The following VPS13B variants were observed in gnomAD, a reference collection of about 807,000 sequenced individuals.
The protein encoded by VPS13B is vacuolar protein sorting 13 homolog B.
Under a neutral mutation model 426.4 loss-of-function variants are expected in VPS13B, and 285 were observed. The ratio of observed to expected loss-of-function variants is 0.67; its 90% CI spans 0.61 to 0.74. The LOEUF (loss-of-function observed/expected upper bound fraction) is 0.74. Ranked by LOEUF, VPS13B falls within the 30% of genes least tolerant of loss-of-function variation. VPS13B has a pLI of 0.00. For synonymous variants in VPS13B, 1,676 were observed against 1,676.4 expected (o/e 1.00, Z 0.01); for missense variants, 4,537 against 4,782.6 (o/e 0.95, Z 1.51).
intron 34 of VPS13B, among the ~76,000 whole-genome samples, chr8:99,649,976 A>C (rs1376397346): frequency 1.3e-5 from 2 of 152,138 alleles, no homozygotes; most frequent in Non-Finnish European, 2.9e-5. Flanking sequence ...CAGAATTCTC[A>C]GGTATTTATT....
At chr8:99,434,358 G>T (rs966027420) in intron 22 of VPS13B, among the ~76,000 whole-genome samples, 3 of 152,054 alleles carry the variant, frequency 2.0e-5, no homozygotes, top group African/African-American at 4.8e-5. Context: ...AACACAGATG[G>T]TCAACACTTT....
intron 3 of VPS13B, among the ~76,000 whole-genome samples, chr8:99,040,614 A>G (rs1842926399): frequency 6.6e-6 from 1 of 152,202 alleles, no homozygotes; most frequent in South Asian, 2.1e-4. Context: ...TATGTAATTA[A>G]GCAGGTACTA....
intron 39 of VPS13B, among the ~76,000 whole-genome samples, chr8:99,758,539 G>A (rs1020909762): frequency 2.6e-5 from 4 of 152,158 alleles, no homozygotes; most frequent in Non-Finnish European, 5.9e-5. Context: ...ACTAATCTGA[G>A]AACACATGGC....
intron 44 of VPS13B, among the ~76,000 whole-genome samples, chr8:99,814,293 A>T (rs1813893718): frequency 6.6e-6 from 1 of 152,230 alleles, no homozygotes; most frequent in African/African-American, 2.4e-5. Flanking sequence ...GTTACAAAAT[A>T]TGCTTGTTAA....
intron 17 of VPS13B, among the ~76,000 whole-genome samples, chr8:99,242,169 G>A (rs1816966889): frequency 6.6e-6 from 1 of 152,096 alleles, no homozygotes; most frequent in South Asian, 2.1e-4. Context: ...TTTTAGTAGA[G>A]ACAGGGTTTC....
intron 49 of VPS13B, among the ~76,000 whole-genome samples, chr8:99,821,017 C>T (rs889477621): frequency 6.7e-6 from 1 of 150,114 alleles, no homozygotes; most frequent in Non-Finnish European, 1.5e-5. Context: ...TGGTTTTCCC[C>T]TCCCTTCCGT....
chr8:99,490,836 T>A (rs546942229), intron 25 of VPS13B, among the ~76,000 whole-genome samples: 50 of 152,300 alleles, frequency 3.3e-4, no homozygotes, highest in Non-Finnish European at 6.2e-4. Context: ...ACTCTGTTGA[T>A]CTTTTCAAAA....
intron 31 of VPS13B, among the ~76,000 whole-genome samples, chr8:99,568,084 G>C (rs1174201313): frequency 6.6e-6 from 1 of 152,036 alleles, no homozygotes; most frequent in Non-Finnish European, 1.5e-5. Flanking sequence ...GGAACAAGTT[G>C]AGCACGTTTA....
At chr8:99,361,828 T>A (rs1812578741) in intron 19 of VPS13B, among the ~76,000 whole-genome samples, 1 of 152,212 alleles carries the variant, frequency 6.6e-6, no homozygotes, top group Non-Finnish European at 1.5e-5. Context: ...ATGATAATAA[T>A]GATGGAGTAG....
intron 17 of VPS13B, among the ~76,000 whole-genome samples, chr8:99,223,809 G>C (rs749552542): frequency 6.6e-6 from 1 of 151,992 alleles, no homozygotes; most frequent in Non-Finnish European, 1.5e-5. Context: ...ATATTAAAGG[G>C]AACATTATTG....
chr8:99,609,590 G>T (rs1827755326), intron 33 of VPS13B, among the ~76,000 whole-genome samples: 1 of 152,158 alleles, frequency 6.6e-6, no homozygotes, highest in East Asian at 1.9e-4. Flanking sequence ...AGTACAGCTT[G>T]CAGTTTAGTT....
chr8:99,613,317 A>G (rs902370336), intron 33 of VPS13B, among the ~76,000 whole-genome samples: 3 of 152,246 alleles, frequency 2.0e-5, no homozygotes, highest in Admixed American at 2.0e-4. Context: ...GACCAATGAT[A>G]AATTCTTGTT....
chr8:99,345,720 A>G (rs1228178316), intron 19 of VPS13B, among the ~76,000 whole-genome samples: 1 of 152,196 alleles, frequency 6.6e-6, no homozygotes, highest in African/African-American at 2.4e-5. Flanking sequence ...CCAGTGAAAT[A>G]ATGAGGCAGG....
intron 44 of VPS13B, among the ~76,000 whole-genome samples, chr8:99,810,054 C>T (rs1281978979): frequency 6.6e-6 from 1 of 152,156 alleles, no homozygotes; most frequent in Non-Finnish European, 1.5e-5. Context: ...CAGCCTAACT[C>T]TTGGCATATA....
intron 17 of VPS13B, among the ~76,000 whole-genome samples, chr8:99,205,441 C>T (rs950527211): frequency 3.3e-5 from 5 of 152,056 alleles, no homozygotes; most frequent in Admixed American, 6.5e-5. Context: ...CACCATGGTA[C>T]GTGTATACCT....
At chr8:99,309,535 G>A (rs1055125973) in intron 19 of VPS13B, among the ~76,000 whole-genome samples, 4 of 152,042 alleles carry the variant, frequency 2.6e-5, no homozygotes, top group East Asian at 1.9e-4. Flanking sequence ...TGTTCCATTG[G>A]TCTATATCTC....
Position 99,848,832 on chromosome 8 carries a change from C to T in VPS13B, c.9999C>T (p.Gly3333=). ...YVYVDVVHQC[G]TVFITVAPEG... is the part of the protein sequence containing the mutation. Reference sequence around the variant, plus strand: ...ATGTGGATGTTGTACATCAGTGTGGCACAGTCTTCATCACTGTGGCCCCAG... The same window carrying T: ...ATGTGGATGTTGTACATCAGTGTGGTACAGTCTTCATCACTGTGGCCCCAG... Residue 3333 remains glycine (G), a synonymous_variant, in exon 55 of 62, where the codon GGC becomes GGT. Transcript: ENST00000357162. 1 of 1,614,126 alleles carries T rather than the reference C, an allele frequency of 6.2e-7. No homozygotes were observed. The highest frequency in any genetic ancestry group is 1.3e-5 in the African/African-American group (1 of 75,038).
At chr8:99,392,242 A>G (rs1052319085) in intron 21 of VPS13B, among the ~76,000 whole-genome samples, 1 of 151,802 alleles carries the variant, frequency 6.6e-6, no homozygotes, top group Non-Finnish European at 1.5e-5. Context: ...TTTCTCTCAT[A>G]CTCTCTGCTA....
intron 17 of VPS13B, chr8:99,233,455 C>T (rs1441774657): frequency 3.0e-6 from 4 of 1,340,110 alleles, no homozygotes; most frequent in Admixed American, 1.7e-5. Flanking sequence ...GATGATGGTA[C>T]CCACAGCCTG....
Sources: gnomAD v4.1 joint callset for allele counts (sites outside exome capture counted in the v4.1 genomes callset) on GRCh38, gnomAD v4.1.1 for gene constraint, MANE v1.5 for transcripts, NCBI Gene and HGNC (gene_info 2026-07-23, HGNC 2026-07-21) for gene names.